The following WDPCP variants were observed in gnomAD, a reference collection of about 807,000 sequenced individuals.
WDPCP encodes the protein WD repeat containing planar cell polarity effector.
In WDPCP, 71 loss-of-function variants were observed where a neutral mutation model predicts 93.1. That is an observed-to-expected ratio of 0.76 (90% CI 0.63 to 0.93). The LOEUF (loss-of-function observed/expected upper bound fraction) is 0.93, where lower values mean the gene tolerates loss of function less well. WDPCP is among the 40% of genes least tolerant of loss of function. WDPCP has a pLI of 0.00. For missense variants in WDPCP, 844 were observed against 887.4 expected (o/e 0.95, Z 0.62); for synonymous variants, 315 against 315.0 (o/e 1.00, Z 0.00).
chr2:63,558,546 GAAAAAGA>G (rs1706319645), intron 1 of WDPCP, among the ~76,000 whole-genome samples: 1 of 139,032 alleles, frequency 7.2e-6, no homozygotes, highest in African/African-American at 2.7e-5. Context: ...AAAAAAAAAA[GAAAAAGA>G]AAAAAGAAAA....
chr2:63,399,709 T>G (rs1694000536), intron 10 of WDPCP, among the ~76,000 whole-genome samples: 1 of 152,018 alleles, frequency 6.6e-6, no homozygotes. Context: ...AACATCCACT[T>G]TAATTAGTGT....
intron 2 of WDPCP, among the ~76,000 whole-genome samples, chr2:63,702,599 C>G (rs562274372): frequency 2.9e-4 from 43 of 150,678 alleles, no homozygotes; most frequent in Middle Eastern, 6.8e-3. Flanking sequence ...AGTGCATTGG[C>G]GCGATTTCGG....
At chr2:63,425,360 C>T (rs538720037) in intron 9 of WDPCP, among the ~76,000 whole-genome samples, 10 of 152,302 alleles carry the variant, frequency 6.6e-5, no homozygotes, top group Admixed American at 5.2e-4. Flanking sequence ...AGCTCCCTAG[C>T]AACAGTTCTT....
At chr2:63,754,108 A>C (rs1669921936) in intron 2 of WDPCP, among the ~76,000 whole-genome samples, 1 of 152,236 alleles carries the variant, frequency 6.6e-6, no homozygotes, top group Non-Finnish European at 1.5e-5. Context: ...CAGAGTTGTC[A>C]TCCCTGGTGG....
intron 7 of WDPCP, among the ~76,000 whole-genome samples, chr2:63,438,463 C>T (rs529793066): frequency 7.9e-5 from 12 of 152,018 alleles, no homozygotes; most frequent in Admixed American, 2.6e-4. Context: ...CTCAGAGACA[C>T]GAATTGTGCT....
At chr2:63,724,050 G>T (rs2103802677) in intron 2 of WDPCP, among the ~76,000 whole-genome samples, 1 of 152,266 alleles carries the variant, frequency 6.6e-6, no homozygotes, top group African/African-American at 2.4e-5. Context: ...CTAGCATATA[G>T]CTATGTCCTG....
intron 2 of WDPCP, among the ~76,000 whole-genome samples, chr2:63,762,733 T>A (rs1442565735): frequency 1.3e-5 from 2 of 152,178 alleles, no homozygotes; most frequent in Non-Finnish European, 2.9e-5. Context: ...CCTTTCATGA[T>A]AACACATTAA....
chr2:63,390,459 A>C (rs1174826127), intron 10 of WDPCP, among the ~76,000 whole-genome samples: 1 of 152,228 alleles, frequency 6.6e-6, no homozygotes, highest in African/African-American at 2.4e-5. Context: ...CAAAGATCTA[A>C]AATTGACACC....
chr2:63,200,234 G>A (rs775464241), intron 14 of WDPCP, among the ~76,000 whole-genome samples: 1 of 152,184 alleles, frequency 6.6e-6, no homozygotes, highest in Non-Finnish European at 1.5e-5. Flanking sequence ...CTCATGCATT[G>A]TTGGTGGGAA....
chr2:63,693,434 AGATAT>A (rs1414671286), intron 2 of WDPCP, among the ~76,000 whole-genome samples: 1 of 132,242 alleles, frequency 7.6e-6, no homozygotes, highest in Non-Finnish European at 1.6e-5. Flanking sequence ...CAGTAGATAT[AGATAT>A]TAGATAGATA....
chr2:63,214,240 C>T (rs996396258), intron 14 of WDPCP, among the ~76,000 whole-genome samples: 2 of 152,036 alleles, frequency 1.3e-5, no homozygotes, highest in South Asian at 2.1e-4. Flanking sequence ...ACAGGCAAAC[C>T]GAATCCAGCC....
chr2:63,765,531 G>C (rs1190692467), intron 2 of WDPCP, among the ~76,000 whole-genome samples: 2 of 152,196 alleles, frequency 1.3e-5, no homozygotes, highest in African/African-American at 2.4e-5. Flanking sequence ...GCCTTGAGGG[G>C]CTTGGTAAAT....
intron 15 of WDPCP, among the ~76,000 whole-genome samples, chr2:63,167,207 T>C (rs1319130037): frequency 1.3e-5 from 2 of 152,226 alleles, no homozygotes; most frequent in African/African-American, 2.4e-5. Flanking sequence ...AGAGAACATA[T>C]GGTCCATAAG....
intron 1 of WDPCP, among the ~76,000 whole-genome samples, chr2:63,817,681 ATATT>A (rs1291219753): frequency 6.6e-6 from 1 of 152,170 alleles, no homozygotes; most frequent in Admixed American, 6.5e-5. Context: ...AAAGCTGAAA[ATATT>A]TATTATCCGT....
At chr2:63,617,403 G>T (rs1381117407) in intron 3 of WDPCP, among the ~76,000 whole-genome samples, 3 of 152,058 alleles carry the variant, frequency 2.0e-5, no homozygotes, top group Non-Finnish European at 2.9e-5. Context: ...ACCCTTCTAG[G>T]TTCTGTGGCT....
chr2:63,449,790 T>C (rs550835906), intron 6 of WDPCP, among the ~76,000 whole-genome samples: 45 of 152,182 alleles, frequency 3.0e-4, no homozygotes, highest in Admixed American at 1.4e-3. Flanking sequence ...CCTAAGTGGC[T>C]GCAGCTGGGC....
At chr2:63,838,676 A>T in the WDPCP span, among the ~76,000 whole-genome samples, 3 of 152,226 alleles carry the variant, frequency 2.0e-5, no homozygotes, top group African/African-American at 7.2e-5. Flanking sequence ...GGGATATTCC[A>T]GAGTAGTATC....
chr2:63,329,181 C>T (rs1687791271), intron 12 of WDPCP, among the ~76,000 whole-genome samples: 1 of 152,206 alleles, frequency 6.6e-6, no homozygotes, highest in African/African-American at 2.4e-5. Context: ...TGCTCTTTGA[C>T]TAACACATGT....
At chr2:63,217,183 A>G (rs889577253) in intron 14 of WDPCP, among the ~76,000 whole-genome samples, 1 of 152,206 alleles carries the variant, frequency 6.6e-6, no homozygotes, top group Non-Finnish European at 1.5e-5. Flanking sequence ...TGGTTGGAAA[A>G]ACATCAAAAG....
Sources: allele counts gnomAD v4.1 joint callset (sites outside exome capture counted in the v4.1 genomes callset), GRCh38; gene constraint gnomAD v4.1.1; transcripts MANE v1.5; gene names NCBI Gene and HGNC (gene_info 2026-07-23, HGNC 2026-07-21).